The following ROBO2 variants were observed in gnomAD, a reference collection of about 807,000 sequenced individuals.
ROBO2 encodes the protein roundabout homolog 2.
ROBO2 carries 53 observed loss-of-function variants against 160.8 expected under a neutral mutation model. That is an observed-to-expected ratio of 0.33 (90% CI 0.26 to 0.41). The LOEUF (loss-of-function observed/expected upper bound fraction) is 0.41, where lower values mean the gene tolerates loss of function less well. Ranked by LOEUF, ROBO2 falls within the 10% of genes least tolerant of loss-of-function variation. The pLI, the probability that ROBO2 is intolerant of heterozygous loss-of-function variation, is 1.00. For missense variants in ROBO2, 1,577 were observed against 1,722.4 expected, an observed-to-expected ratio of 0.92 and a Z score of 1.49; for synonymous variants, 664 against 611.7, an observed-to-expected ratio of 1.09 and a Z score of -1.26.
intron 2 of ROBO2, among the ~76,000 whole-genome samples, chr3:76,394,619 G>A (rs557959221): frequency 1.1e-3 from 170 of 152,112 alleles, no homozygotes; most frequent in Middle Eastern, 3.4e-3. Context: ...TCTTCTCGAG[G>A]AGTATCTTTG....
At chr3:76,698,129 T>TGGAAGAATTGGATGTAGAATGCCTGTAG (rs1460895738) in intron 2 of ROBO2, among the ~76,000 whole-genome samples, 13 of 152,034 alleles carry the variant, frequency 8.6e-5, no homozygotes, top group Non-Finnish European at 1.0e-4. Context: ...ATTCACTGGT[T>TGGAAGAATTGGATGTAGAATGCCTGTAG]AGGCTTTTTC....
chr3:77,255,951 T>G (rs2058383847), intron 2 of ROBO2, among the ~76,000 whole-genome samples: 1 of 152,184 alleles, frequency 6.6e-6, no homozygotes, highest in African/African-American at 2.4e-5. Flanking sequence ...GCTTAATGGG[T>G]TACTTCCGCT....
chr3:77,055,630 T>A (rs2065665827), intron 1 of ROBO2, among the ~76,000 whole-genome samples: 1 of 152,130 alleles, frequency 6.6e-6, no homozygotes, highest in African/African-American at 2.4e-5. Flanking sequence ...GCATAATATA[T>A]CCACATATAA....
At chr3:75,953,935 A>AT (rs984176926) in intron 2 of ROBO2, among the ~76,000 whole-genome samples, 31 of 151,938 alleles carry the variant, frequency 2.0e-4, no homozygotes, top group Middle Eastern at 3.4e-3. Context: ...TTTTTGTAGT[A>AT]TTTTTTATAG....
At chr3:77,141,817 A>AT (rs1371973806) in intron 2 of ROBO2, among the ~76,000 whole-genome samples, 1 of 152,134 alleles carries the variant, frequency 6.6e-6, no homozygotes, top group Non-Finnish European at 1.5e-5. Context: ...TTACTGAATG[A>AT]TTTTTCATTT....
chr3:76,682,734 T>A (rs989152432), intron 2 of ROBO2, among the ~76,000 whole-genome samples: 8 of 152,138 alleles, frequency 5.3e-5, no homozygotes, highest in African/African-American at 1.9e-4. Flanking sequence ...TGAAAAAGAA[T>A]GACATATGTA....
intron 2 of ROBO2, among the ~76,000 whole-genome samples, chr3:76,136,351 A>G (rs1266570607): frequency 6.6e-6 from 1 of 151,848 alleles, no homozygotes; most frequent in Admixed American, 6.6e-5. Context: ...AACAGTTTTT[A>G]TTGACAAAAA....
At chr3:75,921,448 G>A (rs1947047020) in intron 1 of ROBO2, among the ~76,000 whole-genome samples, 2 of 151,858 alleles carry the variant, frequency 1.3e-5, no homozygotes, top group Admixed American at 6.6e-5. Context: ...AAAAAAAATT[G>A]GTAATTTGAT....
intron 2 of ROBO2, among the ~76,000 whole-genome samples, chr3:77,471,691 C>T (rs1262856163): frequency 6.6e-6 from 1 of 152,176 alleles, no homozygotes; most frequent in Non-Finnish European, 1.5e-5. Context: ...TTACTATGCA[C>T]ACATGTGCAT....
At chr3:76,528,951 T>C (rs1490702484) in intron 2 of ROBO2, among the ~76,000 whole-genome samples, 1 of 151,992 alleles carries the variant, frequency 6.6e-6, no homozygotes, top group African/African-American at 2.4e-5. Flanking sequence ...ATAGGCCAAG[T>C]AGAAAGAGGT....
intron 2 of ROBO2, among the ~76,000 whole-genome samples, chr3:76,325,344 T>C (rs562672901): frequency 5.3e-5 from 8 of 152,342 alleles, no homozygotes; most frequent in African/African-American, 1.7e-4. Flanking sequence ...CTAAGTTTAC[T>C]ATAGGATGCA....
intron 2 of ROBO2, among the ~76,000 whole-genome samples, chr3:76,637,628 T>C (rs143678300): frequency 4.7e-4 from 71 of 152,252 alleles, no homozygotes; most frequent in Non-Finnish European, 8.4e-4. Flanking sequence ...AGACTGCTCT[T>C]CCGGGCACAT....
chr3:76,286,281 A>G (rs574848861), intron 2 of ROBO2, among the ~76,000 whole-genome samples: 2 of 152,162 alleles, frequency 1.3e-5, no homozygotes, highest in Non-Finnish European at 2.9e-5. Flanking sequence ...GTAGAAAACT[A>G]TATAGATGAA....
intron 2 of ROBO2, among the ~76,000 whole-genome samples, chr3:77,289,983 T>A (rs2060984297): frequency 6.6e-6 from 1 of 151,362 alleles, no homozygotes; most frequent in Non-Finnish European, 1.5e-5. Flanking sequence ...AAATTGATGG[T>A]TAAACGGGTA....
intron 2 of ROBO2, among the ~76,000 whole-genome samples, chr3:77,356,386 C>A (rs2069130782): frequency 6.6e-6 from 1 of 151,808 alleles, no homozygotes; most frequent in South Asian, 2.1e-4. Context: ...GAAGGAGAGA[C>A]AGAGAGAGAG....
intron 23 of ROBO2, 166 bp from the exon 25 acceptor site, chr3:77,634,704 G>A (rs1379161279): frequency 9.9e-6 from 7 of 708,542 alleles, no homozygotes; most frequent in Admixed American, 6.8e-5. Flanking sequence ...ATGTGCAGCT[G>A]AGAATGTAGA....
At chr3:76,161,248 T>G (rs997216647) in intron 2 of ROBO2, among the ~76,000 whole-genome samples, 30 of 152,076 alleles carry the variant, frequency 2.0e-4, no homozygotes, top group African/African-American at 7.0e-4. Flanking sequence ...TTGAATACAT[T>G]AAAGTTTCTA....
chr3:76,379,585 A>G, intron 2 of ROBO2, among the ~76,000 whole-genome samples: 1 of 152,188 alleles, frequency 6.6e-6, no homozygotes, highest in Non-Finnish European at 1.5e-5. Flanking sequence ...CCTCTCATTA[A>G]AACAATATTT....
At chr3:76,625,754 A>G (rs2089593187) in intron 2 of ROBO2, among the ~76,000 whole-genome samples, 1 of 152,172 alleles carries the variant, frequency 6.6e-6, no homozygotes, top group South Asian at 2.1e-4. Flanking sequence ...AGGAAGCGCA[A>G]CGTTGTGGGG....
Sources: allele counts gnomAD v4.1 joint callset (sites outside exome capture counted in the v4.1 genomes callset), GRCh38; gene constraint gnomAD v4.1.1; transcripts MANE v1.5; gene names NCBI Gene and HGNC (gene_info 2026-07-23, HGNC 2026-07-21).